Variants in DOCK3 observed in about 807,000 individuals in gnomAD.
DOCK3 encodes dedicator of cytokinesis protein 3.
In DOCK3, 60 loss-of-function variants were observed where a neutral mutation model predicts 265.6. That is an observed-to-expected ratio of 0.23 (90% CI 0.18 to 0.28). The LOEUF (loss-of-function observed/expected upper bound fraction) is 0.28, where lower values mean the gene tolerates loss of function less well. Among genes scored for constraint, DOCK3 ranks in the 10% least tolerant of loss-of-function variants. The pLI, the probability that DOCK3 is intolerant of heterozygous loss-of-function variation, is 1.00. For missense variants in DOCK3, 1,981 were observed against 2,594.3 expected, an observed-to-expected ratio of 0.76 and a Z score of 5.14; for synonymous variants, 881 against 938.0, an observed-to-expected ratio of 0.94 and a Z score of 1.11.
At chr3:50,703,892 C>CT (rs1474100690) in intron 1 of DOCK3, among the ~76,000 whole-genome samples, 2 of 151,380 alleles carry the variant, frequency 1.3e-5, no homozygotes, top group Non-Finnish European at 2.9e-5. Context: ...TTAACTTCTA[C>CT]TTTTTTAATA....
At chr3:50,822,064 A>G (rs903511384) in intron 2 of DOCK3, among the ~76,000 whole-genome samples, 1 of 152,138 alleles carries the variant, frequency 6.6e-6, no homozygotes, top group African/African-American at 2.4e-5. Context: ...TTTGATAGGA[A>G]TAGTGTTGAA....
intron 3 of DOCK3, among the ~76,000 whole-genome samples, chr3:50,848,428 C>T (rs1298917410): frequency 4.6e-5 from 7 of 152,158 alleles, no homozygotes; most frequent in South Asian, 4.1e-4. Flanking sequence ...CAGCAGGTAT[C>T]GCTCTTTTTG....
At chr3:51,335,308 G>C (rs2084789294) in intron 35 of DOCK3, among the ~76,000 whole-genome samples, 1 of 151,776 alleles carries the variant, frequency 6.6e-6, no homozygotes, top group African/African-American at 2.4e-5. Context: ...CCCAGATCTA[G>C]CTGACTCAAG....
At chr3:51,069,876 CTTAAGGACTCACT>C (rs1168952288) in intron 6 of DOCK3, among the ~76,000 whole-genome samples, 24 of 152,168 alleles carry the variant, frequency 1.6e-4, no homozygotes, top group African/African-American at 5.3e-4. Context: ...GTACTTTACC[CTTAAGGACTCACT>C]GATATTTTCC....
chr3:50,731,169 A>C lies in DOCK3; in HGVS notation c.38-47506A>C, dbSNP rs1158605238. Among the ~76,000 whole-genome samples the C allele has an allele frequency of 3.3e-5, 5 of 152,124 alleles. No homozygotes were observed. The East Asian group carries it at 9.6e-4, about 29-fold the overall frequency. On this transcript the variant is annotated intron_variant, in intron 1 of 52. Transcript: ENST00000266037. ...AAAAGTTCCTTTTAAACATAGATGTAGAATCCCCTTAATATTAACAATTTA... is the reference window on the plus strand; with the variant it reads ...AAAAGTTCCTTTTAAACATAGATGTCGAATCCCCTTAATATTAACAATTTA...
intron 12 of DOCK3, among the ~76,000 whole-genome samples, chr3:51,172,574 G>C (rs529907496): frequency 1.9e-4 from 29 of 152,292 alleles, no homozygotes; most frequent in African/African-American, 6.0e-4. Context: ...CAGTTACTCT[G>C]TCTTTAGAAT....
chr3:51,214,051 G>A (rs2089649058), intron 13 of DOCK3, 71 bp from the exon 14 acceptor site: 1 of 1,595,918 alleles, frequency 6.3e-7, no homozygotes, highest in South Asian at 1.1e-5. Context: ...TGGAAAATGT[G>A]ACTGTGTCTT....
At chr3:51,018,569 G>A (rs1448502804) in intron 5 of DOCK3, among the ~76,000 whole-genome samples, 11 of 151,330 alleles carry the variant, frequency 7.3e-5, no homozygotes, top group Admixed American at 3.9e-4. Context: ...TTCAGATTTT[G>A]AAGTATTTGC....
intron 27 of DOCK3, among the ~76,000 whole-genome samples, chr3:51,296,043 A>G (rs952985044): frequency 2.6e-5 from 4 of 152,124 alleles, no homozygotes; most frequent in African/African-American, 7.2e-5. Context: ...GAGTCTCACT[A>G]TGTTGCTCAA....
At chr3:51,064,028 C>G (rs2081508593) in intron 5 of DOCK3, among the ~76,000 whole-genome samples, 2 of 152,204 alleles carry the variant, frequency 1.3e-5, no homozygotes, top group Non-Finnish European at 2.9e-5. Flanking sequence ...GATTCTTCCT[C>G]TCCCAACTTG....
chr3:50,931,641 A>G (rs1248132117), intron 4 of DOCK3, among the ~76,000 whole-genome samples: 1 of 152,148 alleles, frequency 6.6e-6, no homozygotes, highest in East Asian at 1.9e-4. Flanking sequence ...GATCAATATG[A>G]CCTATTTCAA....
chr3:50,929,482 G>A (rs549454660), intron 4 of DOCK3, among the ~76,000 whole-genome samples: 8 of 152,240 alleles, frequency 5.3e-5, no homozygotes, highest in South Asian at 4.1e-4. Flanking sequence ...CTTCTTTTCC[G>A]AAACTTCAAC....
intron 22 of DOCK3, among the ~76,000 whole-genome samples, chr3:51,256,783 C>T (rs531371975): frequency 1.0e-4 from 15 of 148,696 alleles, no homozygotes; most frequent in South Asian, 4.3e-4. Flanking sequence ...TTAGTAGAGA[C>T]GGGGTTTCAC....
intron 5 of DOCK3, among the ~76,000 whole-genome samples, chr3:51,048,026 T>C (rs532571908): frequency 6.6e-6 from 1 of 152,118 alleles, no homozygotes; most frequent in Non-Finnish European, 1.5e-5. Flanking sequence ...ACCAAAAGGA[T>C]CATACATCAA....
chr3:50,946,960 C>G (rs982485306), intron 5 of DOCK3, among the ~76,000 whole-genome samples: 2 of 152,132 alleles, frequency 1.3e-5, no homozygotes, highest in African/African-American at 4.8e-5. Context: ...TCCTATTTAA[C>G]TTCTAAACTT....
At chr3:50,741,411 C>G (rs987902006) in intron 1 of DOCK3, among the ~76,000 whole-genome samples, 3 of 138,962 alleles carry the variant, frequency 2.2e-5, no homozygotes, top group African/African-American at 8.0e-5. Context: ...TCTCCTAAAG[C>G]TATCCCTCCC....
At chr3:50,905,918 T>C (rs183810686) in intron 4 of DOCK3, among the ~76,000 whole-genome samples, 1,731 of 152,150 alleles carry the variant, frequency 0.011, 36 homozygotes, top group African/African-American at 0.04. Context: ...ATAGCTCTTA[T>C]TATTTTGAGA....
At chr3:50,712,530 G>A (rs1051486037) in intron 1 of DOCK3, among the ~76,000 whole-genome samples, 1 of 152,062 alleles carries the variant, frequency 6.6e-6, no homozygotes, top group African/African-American at 2.4e-5. Flanking sequence ...TAGAGTCGGG[G>A]TTTTGCCATA....
At chr3:51,010,037 ACTC>A (rs1182713993) in intron 5 of DOCK3, among the ~76,000 whole-genome samples, 1 of 152,142 alleles carries the variant, frequency 6.6e-6, no homozygotes, top group Non-Finnish European at 1.5e-5. Context: ...TTTACTTCCA[ACTC>A]TGTGGTCAAT....
Sources: gnomAD v4.1 joint callset for allele counts (sites outside exome capture counted in the v4.1 genomes callset) on GRCh38, gnomAD v4.1.1 for gene constraint, MANE v1.5 for transcripts, NCBI Gene and HGNC (gene_info 2026-07-23, HGNC 2026-07-21) for gene names.